Variants in FAM222A observed in about 807,000 individuals in gnomAD.
The protein encoded by FAM222A is family with sequence similarity 222 member A, also known as protein FAM222A.
A neutral mutation model predicts 25.8 loss-of-function variants in FAM222A; 7 were observed. The observed-to-expected ratio is 0.27, with a 90% CI of 0.15 to 0.51. FAM222A has a LOEUF of 0.51. Among genes scored for constraint, FAM222A ranks in the 20% least tolerant of loss-of-function variants. FAM222A has a pLI of 0.97. For missense variants in FAM222A, 573 were observed against 640.5 expected (o/e 0.89, Z 1.14); for synonymous variants, 294 against 298.8 (o/e 0.98, Z 0.17).
rs1472686880 is a variant in FAM222A, at chr12:109,768,795, C to T, written c.866C>T (p.Pro289Leu). 9.5e-6 allele frequency: 15 copies of T among 1,574,232 alleles called. No homozygotes were observed. The highest frequency in any genetic ancestry group is 1.8e-5 in the Admixed American group (1 of 56,078). The part of the protein sequence containing the change: ...ADSGLDYLLW[P>L]QKPPPPPPQP... ...AGCGGCCTGGATTACCTGCTGTGGC[C>T]GCAGAAACCGCCCCCACCGCCGCCC... is the stretch of plus-strand genomic sequence containing the variant. Residue 289 changes from proline (P) to leucine (L), a missense_variant, in exon 3 of 3, where the codon CCG (proline) becomes CTG (leucine). Around this residue, in one of 3 missense-constraint regions of FAM222A, gnomAD observed 412 missense variants for 407.0 expected, o/e 1.01. Coordinates refer to ENST00000538780, the MANE Select transcript of FAM222A (RefSeq NM_032829.3).
At chr12:109,729,412 G>A (rs1348434327) in intron 1 of FAM222A, among the ~76,000 whole-genome samples, 5 of 152,102 alleles carry the variant, frequency 3.3e-5, no homozygotes, top group African/African-American at 9.7e-5. Flanking sequence ...AAGAGCCCCC[G>A]GAACCCAGTG....
At chr12:109,728,765 T>G (rs1887887135) in intron 1 of FAM222A, among the ~76,000 whole-genome samples, 1 of 152,150 alleles carries the variant, frequency 6.6e-6, no homozygotes, top group Non-Finnish European at 1.5e-5. Flanking sequence ...AGTCCAGCCC[T>G]CAGAGACCTG....
intron 2 of FAM222A, among the ~76,000 whole-genome samples, chr12:109,755,907 A>C (rs1888713458): frequency 6.6e-6 from 1 of 152,226 alleles, no homozygotes; most frequent in African/African-American, 2.4e-5. Flanking sequence ...GAAAGTGTAA[A>C]TCCTCCAACT....
chr12:109,735,515 G>A (rs887741857), intron 1 of FAM222A: 1 of 152,204 alleles, frequency 6.6e-6, no homozygotes, highest in African/African-American at 2.4e-5. Context: ...CTGAACTGTG[G>A]GTGCAGGGAC....
intron 2 of FAM222A, among the ~76,000 whole-genome samples, chr12:109,753,966 A>T (rs891203019): frequency 6.6e-6 from 1 of 152,236 alleles, no homozygotes; most frequent in Non-Finnish European, 1.5e-5. Flanking sequence ...GCAGGTACCA[A>T]GCCTGCAAGA....
chr12:109,729,206 A>C (rs1333786798), intron 1 of FAM222A, among the ~76,000 whole-genome samples: 1 of 149,374 alleles, frequency 6.7e-6, no homozygotes, highest in Non-Finnish European at 1.5e-5. Flanking sequence ...GAGAAAGCAG[A>C]CAATAAGAAT....
chr12:109,747,025 G>A (rs1888418248), intron 2 of FAM222A, among the ~76,000 whole-genome samples: 1 of 152,198 alleles, frequency 6.6e-6, no homozygotes, highest in Non-Finnish European at 1.5e-5. Context: ...TCCTTTGAAT[G>A]ACATGTCAGC....
intron 2 of FAM222A, among the ~76,000 whole-genome samples, chr12:109,759,533 C>T (rs1254349147): frequency 1.3e-5 from 2 of 152,206 alleles, no homozygotes; most frequent in East Asian, 1.9e-4. Flanking sequence ...TTAATATACT[C>T]GTTAATAACC....
chr12:109,722,738 G>C (rs1887767135), intron 1 of FAM222A: 1 of 152,258 alleles, frequency 6.6e-6, no homozygotes, highest in African/African-American at 2.4e-5. Context: ...AGCCACACCT[G>C]GCGGGCAGTG....
At chr12:109,724,370 C>T (rs755419243) in intron 1 of FAM222A, among the ~76,000 whole-genome samples, 15 of 152,364 alleles carry the variant, frequency 9.8e-5, no homozygotes, top group East Asian at 1.9e-4. Context: ...AAGGACGAGG[C>T]GCCTTCTGTC....
intron 1 of FAM222A, chr12:109,719,983 C>G: frequency 1.9e-6 from 1 of 524,880 alleles, no homozygotes; most frequent in Non-Finnish European, 2.4e-6. Context: ...AATTATTTTA[C>G]CCCTCTGTGC....
intron 1 of FAM222A, among the ~76,000 whole-genome samples, chr12:109,723,755 G>A (rs2082101208): frequency 1.3e-5 from 2 of 152,212 alleles, no homozygotes; most frequent in African/African-American, 4.8e-5. Context: ...CAGGTTCCTG[G>A]GCCTCCGCCC....
chr12:109,726,085 C>T (rs550284448), intron 1 of FAM222A, among the ~76,000 whole-genome samples: 1 of 146,258 alleles, frequency 6.8e-6, no homozygotes, highest in Non-Finnish European at 1.5e-5. Context: ...GCTGTGTGAC[C>T]CACAAGCTAA....
chr12:109,716,941 C>A (rs1455136465), intron 1 of FAM222A, among the ~76,000 whole-genome samples: 1 of 152,232 alleles, frequency 6.6e-6, no homozygotes, highest in Non-Finnish European at 1.5e-5. Flanking sequence ...GCTAATGAAA[C>A]TGAGGCTTAA....
Position 109,733,807 on chromosome 12 carries a change from G to A in FAM222A, c.-46-10294G>A, listed in dbSNP as rs144121260. ...TGGGGTGGGGACAGGGTTGGCTTGT[G>A]AGAGGACCAGAAAGCAAGCCAGCGT... On this transcript the variant is annotated intron_variant, in intron 1 of 2. Coordinates refer to ENST00000538780, the MANE Select transcript of FAM222A (RefSeq NM_032829.3). Among the ~76,000 whole-genome samples the A allele has an allele frequency of 7.2e-3, 1,095 of 152,312 alleles. 9 individuals carry two copies. The highest frequency in any genetic ancestry group is 0.02 in the Middle Eastern group (6 of 294).
At chr12:109,764,278 A>AAAT (rs1377875126) in intron 2 of FAM222A, among the ~76,000 whole-genome samples, 5 of 151,656 alleles carry the variant, frequency 3.3e-5, no homozygotes, top group Admixed American at 3.3e-4. Flanking sequence ...ACGCTCACCA[A>AAAT]AATGAGCTTC....
intron 1 of FAM222A, among the ~76,000 whole-genome samples, chr12:109,731,393 T>G (rs1887944630): frequency 6.6e-6 from 1 of 152,066 alleles, no homozygotes; most frequent in African/African-American, 2.4e-5. Context: ...GCCATGGGCT[T>G]TAGAGTCCAG....
At chr12:109,738,476 G>A (rs886976080) in intron 1 of FAM222A, among the ~76,000 whole-genome samples, 4 of 152,224 alleles carry the variant, frequency 2.6e-5, no homozygotes, top group Non-Finnish European at 1.5e-5. Flanking sequence ...TTGAATTACA[G>A]CCAGAGGGAT....
intron 1 of FAM222A, among the ~76,000 whole-genome samples, chr12:109,737,510 A>G (rs1047675760): frequency 2.0e-5 from 3 of 151,584 alleles, no homozygotes; most frequent in African/African-American, 7.3e-5. Flanking sequence ...TGGGGTGGGG[A>G]CAGATACAGT....
Sources: allele counts gnomAD v4.1 joint callset (sites outside exome capture counted in the v4.1 genomes callset), GRCh38; gene constraint gnomAD v4.1.1; regional missense constraint gnomAD v4.1.1; transcripts MANE v1.5; gene names NCBI Gene and HGNC (gene_info 2026-07-23, HGNC 2026-07-21).